The following FCMR variants were observed in gnomAD, a reference collection of about 807,000 sequenced individuals.
FCMR encodes immunoglobulin mu Fc receptor.
A neutral mutation model predicts 41.6 loss-of-function variants in FCMR; 34 were observed. That is an observed-to-expected ratio of 0.82 (90% CI 0.62 to 1.09). The LOEUF is 1.09. FCMR is among the 50% of genes least tolerant of loss of function. FCMR has a pLI of 0.00. For missense variants in FCMR, 496 were observed against 512.5 expected (o/e 0.97, Z 0.31); for synonymous variants, 209 against 211.8 (o/e 0.99, Z 0.12).
chr1:206,916,983 C>G (rs1299109430), intron 1 of FCMR, among the ~76,000 whole-genome samples: 1 of 152,160 alleles, frequency 6.6e-6, no homozygotes, highest in African/African-American at 2.4e-5. Context: ...AAGGAACCAA[C>G]CTGTTCAATA....
intron 1 of FCMR, among the ~76,000 whole-genome samples, chr1:206,919,953 T>A (rs985693563): frequency 1.2e-4 from 19 of 152,348 alleles, no homozygotes; most frequent in Middle Eastern, 6.8e-3. Context: ...AACAAATATC[T>A]GAGTTTCTTT....
Position 206,905,165 on chromosome 1 carries a change from A to C in FCMR, c.1045-18T>G, listed in dbSNP as rs1479199490. On this transcript the variant is annotated intron_variant, in intron 7 of 7. Coordinates refer to ENST00000367091, the MANE Select transcript of FCMR (RefSeq NM_005449.5). ...TCAGACACCTGGGGACAATGAAAGA[A>C]GCATCACTGGATCTGGGTAGGGTGA... is the stretch of plus-strand genomic sequence containing the variant. 6.2e-7 allele frequency: 1 copy of C among 1,613,784 alleles called. No homozygotes were observed. Among genetic ancestry groups the C allele is most frequent in the Non-Finnish European group, 8.5e-7 (1 of 1,179,898 alleles).
intron 1 of FCMR, among the ~76,000 whole-genome samples, chr1:206,916,836 A>G (rs1362810839): frequency 1.3e-5 from 2 of 152,238 alleles, no homozygotes; most frequent in Non-Finnish European, 1.5e-5. Context: ...AGGTGATTAC[A>G]TCTGTCTAGG....
At chr1:206,907,512 G>T (rs1678718362) in intron 7 of FCMR, 1 of 439,278 alleles carries the variant, frequency 2.3e-6, no homozygotes, top group Admixed American at 2.9e-5. Flanking sequence ...TGGGGAGGGG[G>T]AAGTAGGCTT....
rs1232767158 is a variant in FCMR, at chr1:206,904,997, T to C, written c.*22A>G. On this transcript the variant is annotated 3_prime_UTR_variant, in exon 8 of 8. Coordinates refer to ENST00000367091, the MANE Select transcript of FCMR (RefSeq NM_005449.5). Reference sequence around the variant, plus strand: ...TTGGCACCACAGTCCGAGCCTGGGGTTGGGGGATAGCTGGGGAGTTGTCAG... The same window carrying C: ...TTGGCACCACAGTCCGAGCCTGGGGCTGGGGGATAGCTGGGGAGTTGTCAG... 4 of 1,612,482 alleles carry C rather than the reference T, an allele frequency of 2.5e-6. No homozygotes were observed. Among genetic ancestry groups the C allele is most frequent in the Non-Finnish European group, 3.4e-6 (4 of 1,179,382 alleles).
chr1:206,917,057 A>G (rs925886020), intron 1 of FCMR, among the ~76,000 whole-genome samples: 1 of 152,236 alleles, frequency 6.6e-6, no homozygotes, highest in African/African-American at 2.4e-5. Flanking sequence ...CTTGATTTTC[A>G]GTGGTTATGG....
intron 1 of FCMR, 44 bp from the exon 2 acceptor site, chr1:206,914,138 C>G (rs1268023032): frequency 1.4e-6 from 2 of 1,474,746 alleles, no homozygotes; most frequent in Admixed American, 3.4e-5. Flanking sequence ...CCATCTCTAA[C>G]TATATCCCAG....
chr1:206,915,394 T>A (rs528874996), intron 1 of FCMR, among the ~76,000 whole-genome samples: 1 of 152,166 alleles, frequency 6.6e-6, no homozygotes, highest in Non-Finnish European at 1.5e-5. Context: ...AGCGTGACGA[T>A]GCTCATCATG....
rs1270689592 is a variant in FCMR, at chr1:206,909,295, G to A, written c.1044+167C>T. Among the ~76,000 whole-genome samples the A allele has an allele frequency of 6.6e-6, 1 of 152,212 alleles. No homozygotes were observed. Among genetic ancestry groups the A allele is most frequent in the Non-Finnish European group, 1.5e-5 (1 of 68,034 alleles). On this transcript the variant is annotated intron_variant, in intron 7 of 7. Coordinates refer to ENST00000367091, the MANE Select transcript of FCMR (RefSeq NM_005449.5). This position sits in a 1 kb window ranked among gnomAD's most constrained non-coding sequence, Gnocchi z 5.0. The stretch of plus-strand genomic sequence containing the variant: ...TCAACCTCCTGACACCAAACAAGGA[G>A]GAAACTAAAACAACTTGTTCCTCGG...
At chr1:206,922,083 ATGT>A, upstream of FCMR, 2 of 586,468 alleles carry the variant, frequency 3.4e-6, no homozygotes, top group East Asian at 2.9e-5. Context: ...CTGAGAAAAC[ATGT>A]TGTGTGGAGT....
intron 1 of FCMR, chr1:206,921,437 CA>C (rs1558007238): frequency 3.1e-5 from 13 of 425,376 alleles, no homozygotes; most frequent in South Asian, 3.4e-5. Flanking sequence ...TCCATCTCTA[CA>C]AAAAAATTAA....
chr1:206,910,278 G>T lies in FCMR; in HGVS notation c.773C>A (p.Thr258Asn). Reference protein sequence around the residue: ...EGQGFHILIPTILGLFLLALL... With the variant: ...EGQGFHILIPNILGLFLLALL... ...TGCCAGCAGGAAAAGGCCCAGGATG[G>T]TCGGGATCAGGATGTGAAATCCTTG... The change falls in exon 5 of 8, where the codon ACC (threonine) becomes AAC (asparagine). Residue 258 changes from threonine (T) to asparagine (N), a missense_variant. By Grantham distance (65) the Thr-to-Asn change is moderately conservative (BLOSUM62 0). Transcript: ENST00000367091. 6.3e-7 allele frequency: 1 copy of T among 1,579,326 alleles called. No individual in the cohort carries two copies. Among genetic ancestry groups the T allele is most frequent in the Non-Finnish European group, 8.6e-7 (1 of 1,162,430 alleles).
At position 206,909,759 on chromosome 1, in the gene FCMR, G is replaced by T. The variant is rs1678838503; in HGVS notation, c.951C>A (p.Ala317=). 6.8e-7 allele frequency: 1 copy of T among 1,464,834 alleles called. No individual in the cohort carries two copies. Among genetic ancestry groups the T allele is most frequent in the African/African-American group, 1.5e-5 (1 of 67,446 alleles). 90.7% of individuals were successfully genotyped at this position (1,464,834 alleles called of 1,614,324 possible). ...CCGCTCCACGAGCGCGCCGCGGGCA[G>T]GCGCTGTAGATGTTGTTTTGGGAGC... ...RPRSQNNIYS[A]CPRRARGADA... The change falls in exon 6 of 8, where the codon GCC becomes GCA. Residue 317 remains alanine, a synonymous_variant. Coordinates refer to ENST00000367091, the MANE Select transcript of FCMR (RefSeq NM_005449.5). The surrounding 1 kb of genome is among the most constrained non-coding windows in gnomAD (Gnocchi z 5.0).
At chr1:206,908,712 A>C (rs534556534) in intron 7 of FCMR, among the ~76,000 whole-genome samples, 260 of 151,502 alleles carry the variant, frequency 1.7e-3, no homozygotes, top group African/African-American at 6.2e-3. Context: ...GGATCAAATA[A>C]ATTATTTTTA....
upstream of FCMR, among the ~76,000 whole-genome samples, chr1:206,922,490 G>A (rs771700164): frequency 7.9e-5 from 12 of 152,144 alleles, no homozygotes; most frequent in Non-Finnish European, 1.3e-4. Flanking sequence ...GGAAATAAAC[G>A]AAGCTGGGAC....
At chr1:206,906,900 C>T (rs1169403707) in intron 7 of FCMR, among the ~76,000 whole-genome samples, 1 of 151,876 alleles carries the variant, frequency 6.6e-6, no homozygotes, top group Non-Finnish European at 1.5e-5. Context: ...GGTACCAGGA[C>T]CTTGTGCACA....
chr1:206,913,106 T>C, intron 2 of FCMR, 64 bp from the exon 3 acceptor site: 2 of 1,288,342 alleles, frequency 1.6e-6, no homozygotes, highest in Non-Finnish European at 2.3e-6. Flanking sequence ...GGGTGTAAAC[T>C]GAAGCTAATT....
rs1679002802 is a variant in FCMR at position 206,912,832 on chromosome 1, C to T, written c.487+97G>A. 30 of 857,210 alleles carry T rather than the reference C, an allele frequency of 3.5e-5. 2 individuals are homozygous for T. In the South Asian group the frequency reaches 3.8e-4, roughly 11 times the overall value. 53.1% of individuals were successfully genotyped at this position (857,210 alleles called of 1,614,324 possible). On this transcript the variant is annotated intron_variant, in intron 3 of 7. Coordinates refer to ENST00000367091, the MANE Select transcript of FCMR (RefSeq NM_005449.5). ...ACACCTAAGACTCAGCTCAGCTCTG[C>T]CAGCCACTCTATGAACTGAACATAG...
intron 7 of FCMR, among the ~76,000 whole-genome samples, chr1:206,906,833 C>T (rs932809779): frequency 6.6e-6 from 1 of 151,742 alleles, no homozygotes; most frequent in Non-Finnish European, 1.5e-5. Flanking sequence ...GACAGTGTGG[C>T]GCCTGTTGTC....
Sources: allele counts gnomAD v4.1 joint callset (sites outside exome capture counted in the v4.1 genomes callset), GRCh38; gene constraint gnomAD v4.1.1; non-coding constraint Gnocchi (gnomAD v3.1); transcripts MANE v1.5; gene names NCBI Gene and HGNC (gene_info 2026-07-23, HGNC 2026-07-21).